The following DEPDC5 variants were observed in gnomAD, a reference collection of about 807,000 sequenced individuals.
DEPDC5 encodes the protein GATOR1 complex protein DEPDC5.
In DEPDC5, 73 loss-of-function variants were observed where a neutral mutation model predicts 217.3. That is an observed-to-expected ratio of 0.34 (90% confidence interval 0.28 to 0.41). The LOEUF (loss-of-function observed/expected upper bound fraction) is 0.41, where lower values mean the gene tolerates loss of function less well. Among genes scored for constraint, DEPDC5 ranks in the 10% least tolerant of loss-of-function variants. The pLI is 1.00. For missense variants in DEPDC5, 1,675 were observed against 2,070.1 expected (o/e 0.81, Z 3.70); for synonymous variants, 733 against 756.7 (o/e 0.97, Z 0.51).
chr22:31,767,866 C>T (rs1298669851), intron 6 of DEPDC5, among the ~76,000 whole-genome samples: 2 of 151,962 alleles, frequency 1.3e-5, no homozygotes, highest in African/African-American at 2.4e-5. Context: ...CTGCCTCAGC[C>T]TCCCGAGTAG....
chr22:31,859,532 C>T (rs533675926), intron 32 of DEPDC5, among the ~76,000 whole-genome samples: 68 of 152,218 alleles, frequency 4.5e-4, no homozygotes, highest in African/African-American at 1.5e-3. Context: ...GCTGGGATTA[C>T]AGGCGTGCAC....
intron 18 of DEPDC5, among the ~76,000 whole-genome samples, chr22:31,808,036 T>G (rs1238751761): frequency 6.6e-6 from 1 of 152,130 alleles, no homozygotes; most frequent in Non-Finnish European, 1.5e-5. Context: ...AGAAAGGGCC[T>G]CTCTTGCCTT....
intron 5 of DEPDC5, among the ~76,000 whole-genome samples, chr22:31,765,424 G>A (rs748797943): frequency 6.6e-6 from 1 of 151,988 alleles, no homozygotes; most frequent in Admixed American, 6.6e-5. Flanking sequence ...TGAGTAGCTA[G>A]GATTACAGGC....
At position 31,893,798 on chromosome 22, in the gene DEPDC5, T is replaced by A. The variant is rs115284794; in HGVS notation, c.4203+47T>A. 1.1e-3 allele frequency: 1,651 copies of A among 1,488,058 alleles called. 22 individuals are homozygous for A. The African/African-American group carries it at 0.021, about 19-fold the overall frequency. 92.2% of individuals were successfully genotyped at this position (1,488,058 alleles called of 1,614,324 possible). A position where few individuals can be genotyped will look rare whatever the true frequency, so the allele number is the denominator to read the frequency against. ...GTCAGGCCTTTGGCTCACCTCACAGTGGGCATGGAGATGCTTGATAGAGAT... is the reference window on the plus strand; with the variant it reads ...GTCAGGCCTTTGGCTCACCTCACAGAGGGCATGGAGATGCTTGATAGAGAT... On this transcript the variant is annotated intron_variant, in intron 39 of 42. Transcript: ENST00000651528.
chr22:31,863,905 A>C (rs182033298), intron 33 of DEPDC5, among the ~76,000 whole-genome samples: 6 of 151,494 alleles, frequency 4.0e-5, no homozygotes, highest in East Asian at 3.9e-4. Context: ...CCTGGGCAAC[A>C]GAGTGAGACT....
At chr22:31,784,919 CTCAA>C (rs1160699189) in intron 10 of DEPDC5, 44 bp downstream of exon 10, 4 of 1,549,836 alleles carry the variant, frequency 2.6e-6, no homozygotes, top group Non-Finnish European at 3.5e-6. Flanking sequence ...GTAAACATTA[CTCAA>C]TCAGATTTTT....
At chr22:31,800,490 A>G (rs2086754629) in intron 14 of DEPDC5, among the ~76,000 whole-genome samples, 1 of 152,100 alleles carries the variant, frequency 6.6e-6, no homozygotes, top group East Asian at 1.9e-4. Flanking sequence ...TCTGTTGGCC[A>G]GTTAATTTGG....
chr22:31,778,100 G>A lies in DEPDC5; in HGVS notation c.415G>A (p.Ala139Thr), dbSNP rs1343414240. The A allele has an allele frequency of 5.0e-6, 8 of 1,614,148 alleles. No homozygotes were observed. Reference protein sequence around the residue: ...TQKVEFAGIRAQAGELWVKNE... With the variant: ...TQKVEFAGIRTQAGELWVKNE... ...TAACTTGTGTGTGTATTCTTTCAGA[G>A]CACAGGCTGGTGAACTGTGGGTTAA... Residue 139 changes from alanine (A) to threonine (T), a missense_variant and splice_region_variant, in exon 8 of 43, where the codon GCA (alanine) becomes ACA (threonine). Ala to Thr is a moderately conservative substitution (Grantham distance 58). This residue lies in a region of DEPDC5 where 628 missense variants were observed against 762.1 expected (regional missense o/e 0.82). Transcript: ENST00000651528.
intron 24 of DEPDC5, among the ~76,000 whole-genome samples, chr22:31,827,256 C>G (rs745636359): frequency 4.6e-5 from 7 of 152,168 alleles, no homozygotes; most frequent in African/African-American, 1.7e-4. Context: ...GGGAACTGAA[C>G]TCCCATCTTT....
At position 31,770,823 on chromosome 22, in the gene DEPDC5, A is replaced by G. The variant is rs1331067021; in HGVS notation, c.413+1960A>G. 1.9e-4 allele frequency among the ~76,000 whole-genome samples: 22 copies of G among 114,240 alleles called. No individual in the cohort carries two copies. The East Asian group carries it at 5.4e-3, about 28-fold the overall frequency. 74.9% of individuals were successfully genotyped at this position (114,240 alleles called of 152,430 possible). A position where few individuals can be genotyped will look rare whatever the true frequency, so the allele number is the denominator to read the frequency against. On this transcript the variant is annotated intron_variant, in intron 7 of 42. Transcript: ENST00000651528. ...TTTTTTTTTTTTGAGACAAAGTCTCACTCTGTCGCCCAGGCTGGAGTGCAG... is the reference window on the plus strand; with the variant it reads ...TTTTTTTTTTTTGAGACAAAGTCTCGCTCTGTCGCCCAGGCTGGAGTGCAG...
At chr22:31,797,328 C>T (rs534350508) in intron 12 of DEPDC5, among the ~76,000 whole-genome samples, 15 of 152,140 alleles carry the variant, frequency 9.9e-5, no homozygotes, top group Admixed American at 8.5e-4. Context: ...TGGTGGAAGG[C>T]GAAGGGGAAG....
At chr22:31,758,429 C>A (rs561816503) in intron 2 of DEPDC5, 117 bp from the exon 3 acceptor site, 2 of 837,222 alleles carry the variant, frequency 2.4e-6, no homozygotes, top group South Asian at 2.9e-5. Context: ...AAAATAGAAC[C>A]TCATCTGTCA....
chr22:31,852,639 T>G (rs1331497437), intron 31 of DEPDC5, among the ~76,000 whole-genome samples: 1 of 152,248 alleles, frequency 6.6e-6, no homozygotes, highest in Admixed American at 6.5e-5. Flanking sequence ...GAGCCTGGCT[T>G]CTTTTATTTT....
intron 25 of DEPDC5, among the ~76,000 whole-genome samples, chr22:31,836,246 G>A (rs1301131125): frequency 6.6e-6 from 1 of 152,166 alleles, no homozygotes; most frequent in Non-Finnish European, 1.5e-5. Flanking sequence ...ATGCTGCTGC[G>A]GTACCCAGGA....
chr22:31,783,538 A>T (rs1601801815), intron 8 of DEPDC5, among the ~76,000 whole-genome samples: 1 of 152,226 alleles, frequency 6.6e-6, no homozygotes, highest in East Asian at 1.9e-4. Flanking sequence ...GTGCACTCCC[A>T]TAGTTCCAGC....
intron 25 of DEPDC5, 73 bp downstream of exon 25, chr22:31,834,053 AGGAAGCCCTGTG>A: frequency 2.0e-6 from 3 of 1,479,982 alleles, no homozygotes; most frequent in Non-Finnish European, 2.8e-6. Flanking sequence ...AGGAAACAAG[AGGAAGCCCTGTG>A]GGAAGTGAGT....
intron 7 of DEPDC5, among the ~76,000 whole-genome samples, chr22:31,771,715 T>TCACTCA (rs1439519983): frequency 5.9e-4 from 46 of 78,088 alleles, no homozygotes; most frequent in Non-Finnish European, 7.6e-4. Flanking sequence ...CAAGACTCCG[T>TCACTCA]CACACACACA....
intron 12 of DEPDC5, among the ~76,000 whole-genome samples, chr22:31,794,238 G>C (rs1044679884): frequency 6.6e-6 from 1 of 152,016 alleles, no homozygotes; most frequent in African/African-American, 2.4e-5. Flanking sequence ...GAGAGTGATG[G>C]GCCATCTGCT....
At chr22:31,869,533 C>G (rs2092782006) in intron 33 of DEPDC5, among the ~76,000 whole-genome samples, 1 of 148,164 alleles carries the variant, frequency 6.7e-6, no homozygotes, top group Admixed American at 6.8e-5. Flanking sequence ...CCACTGCACT[C>G]CAGCCTCGGT....
Sources: allele counts gnomAD v4.1 joint callset (sites outside exome capture counted in the v4.1 genomes callset), GRCh38; gene constraint gnomAD v4.1.1; regional missense constraint gnomAD v4.1.1; transcripts MANE v1.5; gene names NCBI Gene and HGNC (gene_info 2026-07-23, HGNC 2026-07-21).